SEMA3E: variants seen among roughly 807,000 people sequenced by gnomAD.
SEMA3E encodes the protein semaphorin 3E.
Under a neutral mutation model 93.6 loss-of-function variants are expected in SEMA3E, and 49 were observed. That is an observed-to-expected ratio of 0.52 (90% confidence interval 0.42 to 0.66). The LOEUF is 0.66. SEMA3E is among the 30% of genes least tolerant of loss of function. The pLI is 0.00. For missense variants in SEMA3E, 906 were observed against 964.8 expected, an observed-to-expected ratio of 0.94 and a Z score of 0.81; for synonymous variants, 363 against 330.7, an observed-to-expected ratio of 1.10 and a Z score of -1.06.
At chr7:83,596,385 C>A (rs908484230) in intron 1 of SEMA3E, among the ~76,000 whole-genome samples, 2 of 152,002 alleles carry the variant, frequency 1.3e-5, no homozygotes, top group Admixed American at 6.6e-5. Flanking sequence ...AGAACGATAT[C>A]CACTGGATAT....
chr7:83,379,933 C>A (rs1787744749), intron 16 of SEMA3E, among the ~76,000 whole-genome samples: 1 of 151,832 alleles, frequency 6.6e-6, no homozygotes, highest in Admixed American at 6.6e-5. Context: ...ATTGATACTA[C>A]ATTTTTTTCT....
At chr7:83,635,792 T>C (rs1716789772) in intron 1 of SEMA3E, among the ~76,000 whole-genome samples, 1 of 151,896 alleles carries the variant, frequency 6.6e-6, no homozygotes, top group South Asian at 2.1e-4. Flanking sequence ...CTTCTCACTA[T>C]GTTACTACCA....
At chr7:83,621,377 T>C (rs1473623547) in intron 1 of SEMA3E, among the ~76,000 whole-genome samples, 2 of 152,120 alleles carry the variant, frequency 1.3e-5, no homozygotes, top group African/African-American at 2.4e-5. Flanking sequence ...CATTCCACGC[T>C]CAAGGATAGG....
chr7:83,487,230 T>C (rs1024526324), intron 2 of SEMA3E, among the ~76,000 whole-genome samples: 1 of 152,092 alleles, frequency 6.6e-6, no homozygotes, highest in Non-Finnish European at 1.5e-5. Context: ...CTCTTGGTCT[T>C]ATGGTCCACA....
chr7:83,511,933 AAG>A (rs1790831727), intron 1 of SEMA3E, among the ~76,000 whole-genome samples: 1 of 152,094 alleles, frequency 6.6e-6, no homozygotes, highest in African/African-American at 2.4e-5. Flanking sequence ...AAATAAATAA[AAG>A]AGACTGTTGC....
At chr7:83,532,616 C>G (rs940785206) in intron 1 of SEMA3E, among the ~76,000 whole-genome samples, 3 of 152,176 alleles carry the variant, frequency 2.0e-5, no homozygotes, top group African/African-American at 4.8e-5. Context: ...AACCTGGGAT[C>G]AAGTTTCTTC....
Position 83,616,442 on chromosome 7 carries a change from C to CTA in SEMA3E, c.115+31984_115+31985dup, listed in dbSNP as rs577940574. 4.9e-3 allele frequency among the ~76,000 whole-genome samples: 739 copies of CTA among 152,184 alleles called. 6 individuals carry two copies. Among genetic ancestry groups the CTA allele is most frequent in the African/African-American group, 0.017 (701 of 41,532 alleles). The stretch of plus-strand genomic sequence containing the variant: ...CATCTTACCAGAATAGGAAGGGGAA[C>CTA]TATATTTGACTTTTCATAAAAATTG... On this transcript the variant is annotated intron_variant, in intron 1 of 16. Coordinates refer to ENST00000643230, the MANE Select transcript of SEMA3E (RefSeq NM_012431.3).
chr7:83,573,895 A>T (rs1792344475), intron 1 of SEMA3E, among the ~76,000 whole-genome samples: 1 of 151,934 alleles, frequency 6.6e-6, no homozygotes, highest in African/African-American at 2.4e-5. Flanking sequence ...ATAATAAAAT[A>T]ATTTTTTAAA....
At chr7:83,435,946 TTAAAG>T (rs1321004369) in intron 4 of SEMA3E, among the ~76,000 whole-genome samples, 2 of 152,130 alleles carry the variant, frequency 1.3e-5, no homozygotes, top group East Asian at 3.9e-4. Flanking sequence ...ATATTCAACT[TTAAAG>T]TAGCAACAAG....
intron 6 of SEMA3E, among the ~76,000 whole-genome samples, 192 bp downstream of exon 6, chr7:83,408,176 A>G (rs1189090253): frequency 1.3e-5 from 2 of 152,228 alleles, no homozygotes; most frequent in Admixed American, 1.3e-4. Context: ...AATTAAGCCA[A>G]TCAATTTTGA....
chr7:83,378,249 T>TG (rs1787696514), intron 16 of SEMA3E, among the ~76,000 whole-genome samples: 1 of 151,942 alleles, frequency 6.6e-6, no homozygotes, highest in Non-Finnish European at 1.5e-5. Flanking sequence ...AAATGAATCA[T>TG]TTTATTTTCT....
Position 83,450,340 on chromosome 7 carries a change from C to G in SEMA3E, c.456+16142G>C, listed in dbSNP as rs140573405. Among the ~76,000 whole-genome samples, 44 of 152,248 alleles carry G rather than the reference C, an allele frequency of 2.9e-4. No homozygotes were observed. In the East Asian group the frequency reaches 8.5e-3, roughly 29 times the overall value. The stretch of plus-strand genomic sequence containing the variant: ...AAGAATGCTCATAGCAGCACAATTA[C>G]AGCACAATTGCTATAAACAATTAGA... On this transcript the variant is annotated intron_variant, in intron 4 of 16. Coordinates refer to ENST00000643230, the MANE Select transcript of SEMA3E (RefSeq NM_012431.3).
intron 1 of SEMA3E, among the ~76,000 whole-genome samples, chr7:83,517,506 G>A (rs1678337205): frequency 6.6e-6 from 1 of 152,110 alleles, no homozygotes; most frequent in Admixed American, 6.6e-5. Flanking sequence ...TAATCACTAA[G>A]TAAAGAATTT....
intron 1 of SEMA3E, among the ~76,000 whole-genome samples, chr7:83,512,747 A>C (rs1375920617): frequency 6.6e-6 from 1 of 152,208 alleles, no homozygotes; most frequent in African/African-American, 2.4e-5. Context: ...GAATATGATG[A>C]TACAACGTAT....
intron 16 of SEMA3E, chr7:83,372,602 T>C (rs1462981363): frequency 4.6e-6 from 1 of 216,948 alleles, no homozygotes; most frequent in East Asian, 9.1e-5. Context: ...TATGTACATA[T>C]AAAGTCCAGA....
rs1024326971 is a variant in SEMA3E, at chr7:83,490,214, T to C, written c.176A>G (p.His59Arg). The C allele has an allele frequency of 6.2e-7, 1 of 1,612,946 alleles. No individual in the cohort carries two copies. The highest frequency in any genetic ancestry group is 1.3e-5 in the African/African-American group (1 of 74,860). Reference sequence around the variant, plus strand: ...TTGATATTCATCCAGCAGCATTGTATGGAGATCAAGAAATCCAAAAGGGCT... The same window carrying C: ...TTGATATTCATCCAGCAGCATTGTACGGAGATCAAGAAATCCAAAAGGGCT... ...FHSPFGFLDLHTMLLDEYQER... is the reference protein window; with the variant it reads ...FHSPFGFLDLRTMLLDEYQER... Residue 59 changes from histidine to arginine, a missense_variant, in exon 2 of 17, where the codon CAT becomes CGT. By Grantham distance (29) the His-to-Arg change is conservative. Coordinates refer to ENST00000643230, the MANE Select transcript of SEMA3E (RefSeq NM_012431.3).
intron 1 of SEMA3E, among the ~76,000 whole-genome samples, chr7:83,617,581 A>AAAATTTTATATAAATTTTATATAAG (rs1793405943): frequency 6.8e-6 from 1 of 146,874 alleles, no homozygotes; most frequent in Non-Finnish European, 1.5e-5. Flanking sequence ...TAAGTAATAT[A>AAAATTTTATATAAATTTTATATAAG]TAATTTTATA....
chr7:83,537,781 A>C (rs1450034287), intron 1 of SEMA3E, among the ~76,000 whole-genome samples: 1 of 152,196 alleles, frequency 6.6e-6, no homozygotes, highest in Admixed American at 6.6e-5. Context: ...CCATCACAAC[A>C]GTCAATATTG....
At chr7:83,438,701 A>G (rs528084366) in intron 4 of SEMA3E, among the ~76,000 whole-genome samples, 3 of 152,160 alleles carry the variant, frequency 2.0e-5, no homozygotes, top group East Asian at 3.9e-4. Flanking sequence ...GAAAAAAAAT[A>G]TGCTATATAT....
Sources: gnomAD v4.1 joint callset for allele counts (sites outside exome capture counted in the v4.1 genomes callset) on GRCh38, gnomAD v4.1.1 for gene constraint, MANE v1.5 for transcripts, NCBI Gene and HGNC (gene_info 2026-07-23, HGNC 2026-07-21) for gene names.